The following ZNF385B variants were observed in gnomAD, a reference collection of about 807,000 sequenced individuals.
ZNF385B encodes zinc finger protein 385B.
Under a neutral mutation model 39.2 loss-of-function variants are expected in ZNF385B, and 23 were observed. The ratio of observed to expected loss-of-function variants is 0.59; its 90% CI spans 0.42 to 0.83. The LOEUF (loss-of-function observed/expected upper bound fraction) is 0.83, where lower values mean the gene tolerates loss of function less well. ZNF385B is among the 40% of genes least tolerant of loss of function. The pLI is 0.00. For missense variants in ZNF385B, 552 were observed against 598.9 expected (o/e 0.92, Z 0.82); for synonymous variants, 205 against 222.6 (o/e 0.92, Z 0.70).
intron 6 of ZNF385B, among the ~76,000 whole-genome samples, chr2:179,460,017 T>C (rs1345426290): frequency 6.6e-6 from 1 of 151,920 alleles, no homozygotes; most frequent in Non-Finnish European, 1.5e-5. Context: ...GGCAAGAGGA[T>C]TGCTTGAACC....
chr2:179,685,069 G>A (rs557671308), intron 3 of ZNF385B, among the ~76,000 whole-genome samples: 1 of 152,162 alleles, frequency 6.6e-6, no homozygotes, highest in Non-Finnish European at 1.5e-5. Context: ...TAATTGAAGA[G>A]TTTTCTATCA....
chr2:179,645,979 T>C (rs943160226), intron 3 of ZNF385B, among the ~76,000 whole-genome samples: 69 of 152,204 alleles, frequency 4.5e-4, no homozygotes, highest in African/African-American at 1.5e-3. Context: ...TAGGGTATAA[T>C]CTGTCTCCTT....
At chr2:179,515,873 T>A (rs775686499) in intron 5 of ZNF385B, among the ~76,000 whole-genome samples, 2 of 152,136 alleles carry the variant, frequency 1.3e-5, no homozygotes, top group Non-Finnish European at 2.9e-5. Flanking sequence ...AATAAAGTTA[T>A]AAAATATTTT....
At chr2:179,531,695 A>G (rs1040850933) in intron 4 of ZNF385B, among the ~76,000 whole-genome samples, 1 of 152,178 alleles carries the variant, frequency 6.6e-6, no homozygotes, top group African/African-American at 2.4e-5. Context: ...GGTATCCTAT[A>G]GTTAGAGCTG....
At chr2:179,623,236 T>G (rs1250014776) in intron 3 of ZNF385B, among the ~76,000 whole-genome samples, 2 of 151,994 alleles carry the variant, frequency 1.3e-5, no homozygotes, top group African/African-American at 4.8e-5. Context: ...CAAGAGTAAA[T>G]GAAAGCTTGA....
intron 3 of ZNF385B, among the ~76,000 whole-genome samples, chr2:179,627,317 C>T (rs1177360200): frequency 2.0e-5 from 3 of 152,138 alleles, no homozygotes; most frequent in African/African-American, 2.4e-5. Flanking sequence ...CTATTTTAAC[C>T]TGAAGAGAAG....
intron 5 of ZNF385B, 49 bp from the exon 6 acceptor site, chr2:179,483,483 C>T: frequency 6.2e-7 from 1 of 1,608,710 alleles, no homozygotes; most frequent in African/African-American, 1.3e-5. Flanking sequence ...TTACAAACAC[C>T]ACAGTGGATG....
intron 6 of ZNF385B, among the ~76,000 whole-genome samples, chr2:179,482,339 G>C (rs1023047193): frequency 6.6e-6 from 1 of 152,182 alleles, no homozygotes; most frequent in African/African-American, 2.4e-5. Flanking sequence ...GGCCCCTAAA[G>C]AGAACATCAA....
chr2:179,855,599 A>G (rs1301389670), intron 1 of ZNF385B, among the ~76,000 whole-genome samples: 1 of 152,124 alleles, frequency 6.6e-6, no homozygotes, highest in Non-Finnish European at 1.5e-5. Flanking sequence ...TTTCTTCAGT[A>G]TTTTTTCACT....
At chr2:179,829,091 T>A (rs763986225) in intron 1 of ZNF385B, among the ~76,000 whole-genome samples, 10 of 151,706 alleles carry the variant, frequency 6.6e-5, no homozygotes, top group African/African-American at 2.4e-4. Flanking sequence ...ACATTTTAAT[T>A]AAGGAATACA....
Position 179,551,712 on chromosome 2 carries a change from T to C in ZNF385B, c.299-6743A>G, listed in dbSNP as rs184855849. On this transcript the variant is annotated intron_variant, in intron 3 of 9. Transcript: ENST00000410066. ...CAAACCCTGTGGTGTGACTCACTTC[T>C]CTTGAGTATGCCCACAATCCCCTTC... 2.0e-3 allele frequency among the ~76,000 whole-genome samples: 310 copies of C among 152,230 alleles called. 3 individuals are homozygous for C. In the South Asian group the frequency reaches 0.024, roughly 12 times the overall value.
chr2:179,594,741 A>G (rs993350645), intron 3 of ZNF385B, among the ~76,000 whole-genome samples: 1 of 152,160 alleles, frequency 6.6e-6, no homozygotes, highest in Admixed American at 6.5e-5. Context: ...TCAGGACAAC[A>G]ATATCTTATT....
At chr2:179,793,541 T>C (rs545934431) in intron 1 of ZNF385B, among the ~76,000 whole-genome samples, 1 of 152,332 alleles carries the variant, frequency 6.6e-6, no homozygotes, top group South Asian at 2.1e-4. Flanking sequence ...CTTCCCCTTT[T>C]ACTTCCCACA....
intron 3 of ZNF385B, among the ~76,000 whole-genome samples, chr2:179,614,476 G>A (rs928248662): frequency 6.6e-6 from 1 of 152,080 alleles, no homozygotes; most frequent in Non-Finnish European, 1.5e-5. Flanking sequence ...AAACTTCTAG[G>A]GTAAATTATA....
intron 1 of ZNF385B, among the ~76,000 whole-genome samples, chr2:179,794,534 G>A (rs1440849808): frequency 6.6e-6 from 1 of 152,142 alleles, no homozygotes; most frequent in East Asian, 1.9e-4. Context: ...CTCTCGTCAT[G>A]TAAGTGACGT....
At chr2:179,812,124 A>T (rs1706772522) in intron 1 of ZNF385B, among the ~76,000 whole-genome samples, 1 of 152,168 alleles carries the variant, frequency 6.6e-6, no homozygotes, top group South Asian at 2.1e-4. Context: ...GGCTATTATT[A>T]AAAAGTCAAA....
At position 179,480,575 on chromosome 2, in the gene ZNF385B, G is replaced by C. The variant is rs185783890; in HGVS notation, c.715+2697C>G. On this transcript the variant is annotated intron_variant, in intron 6 of 9. Coordinates refer to ENST00000410066, the MANE Select transcript of ZNF385B (RefSeq NM_152520.6). ...GTTGTTTGGACCAGATTTCCCATCT[G>C]GGCAAAGCTTTTAATTTTCCAACTT... Among the ~76,000 whole-genome samples, 547 of 152,270 alleles carry C rather than the reference G, an allele frequency of 3.6e-3. 2 individuals carry two copies. The highest frequency in any genetic ancestry group is 6.9e-3 in the Admixed American group (105 of 15,286).
At chr2:179,659,280 C>T (rs16866893) in intron 3 of ZNF385B, among the ~76,000 whole-genome samples, 2,133 of 152,160 alleles carry the variant, frequency 0.014, 57 homozygotes, top group African/African-American at 0.049. Flanking sequence ...GATTCTCTTA[C>T]GAAAATGTTT....
At chr2:179,555,148 AG>A (rs2060823733) in intron 3 of ZNF385B, among the ~76,000 whole-genome samples, 1 of 149,906 alleles carries the variant, frequency 6.7e-6, no homozygotes, top group African/African-American at 2.5e-5. Flanking sequence ...AATGACATAC[AG>A]CAATGAGAAC....
Sources: allele counts gnomAD v4.1 joint callset (sites outside exome capture counted in the v4.1 genomes callset), GRCh38; gene constraint gnomAD v4.1.1; transcripts MANE v1.5; gene names NCBI Gene and HGNC (gene_info 2026-07-23, HGNC 2026-07-21).